The following CRADD variants were observed in gnomAD, a reference collection of about 807,000 sequenced individuals.
CRADD encodes death domain-containing protein CRADD.
Under a neutral mutation model 15.5 loss-of-function variants are expected in CRADD, and 9 were observed. The observed-to-expected ratio is 0.58, with a 90% CI of 0.35 to 1.01. CRADD has a LOEUF of 1.01. Ranked by LOEUF, CRADD falls within the 50% of genes least tolerant of loss-of-function variation. The pLI, the probability that CRADD is intolerant of heterozygous loss-of-function variation, is 0.02. For missense variants in CRADD, 227 were observed against 250.3 expected, an observed-to-expected ratio of 0.91 and a Z score of 0.63; for synonymous variants, 118 against 107.6, an observed-to-expected ratio of 1.10 and a Z score of -0.60.
At chr12:93,744,418 C>CT (rs890645691) in intron 2 of CRADD, among the ~76,000 whole-genome samples, 45 of 152,310 alleles carry the variant, frequency 3.0e-4, no homozygotes, top group Admixed American at 2.8e-3. Flanking sequence ...CTGCCTTCCC[C>CT]TAATGTGTTT....
chr12:93,771,095 T>C (rs555122402), intron 2 of CRADD, among the ~76,000 whole-genome samples: 2 of 152,364 alleles, frequency 1.3e-5, no homozygotes, highest in African/African-American at 4.8e-5. Flanking sequence ...ATTTATTAAT[T>C]AATCTCCTTG....
At chr12:93,684,310 C>G (rs61928962) in intron 2 of CRADD, among the ~76,000 whole-genome samples, 5,685 of 152,230 alleles carry the variant, frequency 0.037, 166 homozygotes, top group South Asian at 0.066. Flanking sequence ...TGAAACTGTT[C>G]CACCTTAGAT....
intron 2 of CRADD, among the ~76,000 whole-genome samples, chr12:93,877,572 C>T (rs1493852): frequency 0.36 from 54,092 of 152,152 alleles, 10,977 homozygotes; most frequent in Middle Eastern, 0.47. Context: ...AAGATGCAGT[C>T]CTTCCTCCTC....
At chr12:93,853,675 G>T (rs1958247229), downstream of CRADD, among the ~76,000 whole-genome samples, 2 of 152,292 alleles carry the variant, frequency 1.3e-5, no homozygotes, top group South Asian at 4.1e-4. Flanking sequence ...CTTCCTAACA[G>T]CAAGATGGCC....
chr12:93,678,920 C>G lies in CRADD; in HGVS notation c.146C>G (p.Thr49Arg), dbSNP rs1225903204. The G allele has an allele frequency of 2.5e-6, 4 of 1,614,100 alleles. No homozygotes were observed. The highest frequency in any genetic ancestry group is 3.4e-6 in the Non-Finnish European group (4 of 1,180,038). The change falls in exon 2 of 3, where the codon ACA becomes AGA. Residue 49 changes from threonine to arginine, a missense_variant. Transcript: ENST00000332896. ...NHIQEINAQT[T>R]GLRKTMLLLD... Reference sequence around the variant, plus strand: ...ATTCAAGAAATCAATGCTCAAACCACAGGCCTCCGGAAAACAATGCTCCTG... The same window carrying G: ...ATTCAAGAAATCAATGCTCAAACCAGAGGCCTCCGGAAAACAATGCTCCTG...
chr12:93,868,419 T>G (rs780310249), intron 2 of CRADD, among the ~76,000 whole-genome samples: 1 of 152,180 alleles, frequency 6.6e-6, no homozygotes, highest in Non-Finnish European at 1.5e-5. Flanking sequence ...AATTTATCCT[T>G]GTTTTACAGC....
At chr12:93,848,248 G>A (rs146172645) in intron 2 of CRADD, among the ~76,000 whole-genome samples, 11 of 151,882 alleles carry the variant, frequency 7.2e-5, no homozygotes, top group South Asian at 4.2e-4. Flanking sequence ...TTCTAATTGC[G>A]TCATAGTCAT....
At chr12:93,774,522 G>T (rs1316385676) in intron 2 of CRADD, among the ~76,000 whole-genome samples, 1 of 152,128 alleles carries the variant, frequency 6.6e-6, no homozygotes, top group African/African-American at 2.4e-5. Flanking sequence ...CTGCCATAGG[G>T]TTGCCCTTGC....
chr12:93,792,927 G>C (rs1012541639), intron 2 of CRADD, among the ~76,000 whole-genome samples: 1 of 152,058 alleles, frequency 6.6e-6, no homozygotes, highest in Non-Finnish European at 1.5e-5. Context: ...ACAATATATA[G>C]AATTTTCTGG....
At chr12:93,735,160 A>T (rs1956544154) in intron 2 of CRADD, among the ~76,000 whole-genome samples, 1 of 152,106 alleles carries the variant, frequency 6.6e-6, no homozygotes, top group Non-Finnish European at 1.5e-5. Context: ...ATGAACAAAC[A>T]CCCTGGCAGC....
rs188262378 is a variant in CRADD at position 93,724,167 on chromosome 12, C to T, written c.298+45095C>T. On this transcript the variant is annotated intron_variant, in intron 2 of 2. Coordinates refer to ENST00000332896, the MANE Select transcript of CRADD (RefSeq NM_003805.5). ...GGCCGAGGTGGGTAGATTATTTGAG[C>T]CCAGGAATTCGAGGCCAGCCTGGAT... 4.1e-4 allele frequency among the ~76,000 whole-genome samples: 62 copies of T among 152,132 alleles called. No homozygotes were observed. In the Middle Eastern group the frequency reaches 0.01, roughly 25 times the overall value.
At chr12:93,810,346 C>T (rs888826644) in intron 2 of CRADD, among the ~76,000 whole-genome samples, 1 of 151,664 alleles carries the variant, frequency 6.6e-6, no homozygotes. Context: ...GTCGGGAGTT[C>T]GAGACCAGCC....
intron 2 of CRADD, among the ~76,000 whole-genome samples, chr12:93,761,481 A>G (rs151133650): frequency 6.6e-6 from 1 of 152,046 alleles, no homozygotes; most frequent in African/African-American, 2.4e-5. Flanking sequence ...ATCAAGGATG[A>G]CTCGTTGTTT....
chr12:93,723,884 G>C (rs75339280), intron 2 of CRADD, among the ~76,000 whole-genome samples: 2,576 of 152,256 alleles, frequency 0.017, 62 homozygotes, highest in African/African-American at 0.058. Context: ...CACATGGAAG[G>C]CTTGAGTGGG....
At chr12:93,809,152 G>A (rs1332235647) in intron 2 of CRADD, among the ~76,000 whole-genome samples, 7 of 152,168 alleles carry the variant, frequency 4.6e-5, no homozygotes, top group African/African-American at 1.7e-4. Context: ...GACCTCAGGT[G>A]ATCCACCTGC....
At chr12:93,872,603 T>C (rs570921299) in intron 2 of CRADD, among the ~76,000 whole-genome samples, 8 of 152,172 alleles carry the variant, frequency 5.3e-5, no homozygotes, top group Non-Finnish European at 1.2e-4. Context: ...GATAGGGGTC[T>C]AGTTTCACTC....
intron 2 of CRADD, among the ~76,000 whole-genome samples, chr12:93,741,050 C>T (rs781545559): frequency 6.6e-6 from 1 of 152,040 alleles, no homozygotes; most frequent in African/African-American, 2.4e-5. Context: ...TTAGAAAGCA[C>T]CAAAGGTGTT....
chr12:93,731,827 C>A (rs1198566013), intron 2 of CRADD, among the ~76,000 whole-genome samples: 1 of 152,146 alleles, frequency 6.6e-6, no homozygotes, highest in African/African-American at 2.4e-5. Context: ...ATATAATCTT[C>A]AAAATTTATT....
At chr12:93,795,790 C>T (rs555537098) in intron 2 of CRADD, among the ~76,000 whole-genome samples, 7 of 152,238 alleles carry the variant, frequency 4.6e-5, no homozygotes, top group South Asian at 2.1e-4. Context: ...ATTTATATAA[C>T]GAAAAGCTAT....
Sources: allele counts gnomAD v4.1 joint callset (sites outside exome capture counted in the v4.1 genomes callset), GRCh38; gene constraint gnomAD v4.1.1; transcripts MANE v1.5; gene names NCBI Gene and HGNC (gene_info 2026-07-23, HGNC 2026-07-21).